The following CTNND2 variants were observed in gnomAD, a reference collection of about 807,000 sequenced individuals.
CTNND2 encodes catenin delta 2, also known as catenin delta-2.
In CTNND2, 22 loss-of-function variants were observed where a neutral mutation model predicts 144.4. The ratio of observed to expected loss-of-function variants is 0.15; its 90% CI spans 0.11 to 0.22. CTNND2 has a LOEUF of 0.22. Among genes scored for constraint, CTNND2 ranks in the 10% least tolerant of loss-of-function variants. The probability of loss-of-function intolerance (pLI) is 1.00; values close to 1 mark genes in which losing one functional copy is unlikely to be tolerated. For missense variants in CTNND2, 1,353 were observed against 1,618.8 expected (o/e 0.84, Z 2.82); for synonymous variants, 751 against 695.6 (o/e 1.08, Z -1.25).
chr5:11,070,461 G>T (rs575417603), intron 16 of CTNND2, among the ~76,000 whole-genome samples: 1 of 152,086 alleles, frequency 6.6e-6, no homozygotes, highest in Non-Finnish European at 1.5e-5. Flanking sequence ...TTAAACTGAA[G>T]ATCTAAGACC....
rs1417684746 is a variant in CTNND2, at chr5:11,238,881, A to G, written c.1629-2058T>C. ...TGGCTATGTGATCACAGTAGAAAAC[A>G]ATCATAGAATTAAAAATGTAAAGCC... On this transcript the variant is annotated intron_variant, in intron 9 of 21. Transcript: ENST00000304623. 1.1e-4 allele frequency among the ~76,000 whole-genome samples: 16 copies of G among 152,354 alleles called. No individual in the cohort carries two copies. The East Asian group carries it at 2.9e-3, about 28-fold the overall frequency.
intron 3 of CTNND2, among the ~76,000 whole-genome samples, chr5:11,512,134 A>T (rs1430200089): frequency 6.6e-6 from 1 of 152,132 alleles, no homozygotes; most frequent in African/African-American, 2.4e-5. Context: ...ACGCAGTCTC[A>T]TTGGGCCCCA....
At chr5:11,073,044 G>A (rs559859755) in intron 16 of CTNND2, among the ~76,000 whole-genome samples, 1 of 152,312 alleles carries the variant, frequency 6.6e-6, no homozygotes, top group Admixed American at 6.5e-5. Context: ...TTGAGATCCA[G>A]TATAATAAAT....
intron 16 of CTNND2, among the ~76,000 whole-genome samples, chr5:11,024,114 G>T (rs918084706): frequency 6.6e-6 from 1 of 152,176 alleles, no homozygotes; most frequent in Non-Finnish European, 1.5e-5. Flanking sequence ...TAATTCTCTG[G>T]TGTATGGTGC....
At chr5:11,043,339 T>C (rs1444913774) in intron 16 of CTNND2, among the ~76,000 whole-genome samples, 1 of 152,202 alleles carries the variant, frequency 6.6e-6, no homozygotes, top group Non-Finnish European at 1.5e-5. Flanking sequence ...ACATTTTTAA[T>C]GAAACTGTTA....
chr5:11,512,956 G>A (rs899134797), intron 3 of CTNND2, among the ~76,000 whole-genome samples: 1 of 152,130 alleles, frequency 6.6e-6, no homozygotes, highest in Non-Finnish European at 1.5e-5. Flanking sequence ...TTCCTTTGTT[G>A]ACTTTATTCC....
intron 5 of CTNND2, among the ~76,000 whole-genome samples, chr5:11,403,913 G>A (rs1337526386): frequency 6.6e-6 from 1 of 152,142 alleles, no homozygotes; most frequent in African/African-American, 2.4e-5. Context: ...TTTCTTTCAG[G>A]TCTCTGATTC....
chr5:11,125,781 A>G (rs1754614711), intron 12 of CTNND2, among the ~76,000 whole-genome samples: 1 of 152,244 alleles, frequency 6.6e-6, no homozygotes, highest in African/African-American at 2.4e-5. Flanking sequence ...ATGTAGAACT[A>G]AAAGTGATGT....
At position 11,606,879 on chromosome 5, in the gene CTNND2, C is replaced by T. The variant is rs1226285171; in HGVS notation, c.175-41823G>A. Reference sequence around the variant, plus strand: ...GGGTGGAATTGTATTCCCTCCAGAACATATGTTAGCATCCCAATCCCCAGA... The same window carrying T: ...GGGTGGAATTGTATTCCCTCCAGAATATATGTTAGCATCCCAATCCCCAGA... On this transcript the variant is annotated intron_variant, in intron 2 of 21. Coordinates refer to ENST00000304623, the MANE Select transcript of CTNND2 (RefSeq NM_001332.4). Among the ~76,000 whole-genome samples, 12 of 152,242 alleles carry T rather than the reference C, an allele frequency of 7.9e-5. No individual in the cohort carries two copies. In the East Asian group the frequency reaches 1.2e-3, roughly 15 times the overall value.
chr5:11,098,691 G>A lies in CTNND2; in HGVS notation c.2521C>T (p.Leu841=), dbSNP rs763967699. 1 of 1,614,168 alleles carries A rather than the reference G, an allele frequency of 6.2e-7. No individual in the cohort carries two copies. The highest frequency in any genetic ancestry group is 8.5e-7 in the Non-Finnish European group (1 of 1,179,992). The change falls in exon 15 of 22, where the codon CTG becomes TTG. Residue 841 remains leucine (L), a synonymous_variant. Transcript: ENST00000304623. Reference sequence around the variant, plus strand: ...GGTTTGACTATTGATGGGTGCCACAGCATCTGGATCCCTTTTGGTGGTTCA... The same window carrying A: ...GGTTTGACTATTGATGGGTGCCACAACATCTGGATCCCTTTTGGTGGTTCA... ...CAEPPKGIQM[L]WHPSIVKPYL...
rs1738167533 is a variant in CTNND2, at chr5:11,904,384, C to T, written c.-531G>A. Among the ~76,000 whole-genome samples the T allele has an allele frequency of 6.6e-6, 1 of 151,278 alleles. No individual in the cohort carries two copies. On this transcript the variant is annotated 5_prime_UTR_variant, in exon 1 of 22. Transcript: ENST00000304623. The surrounding 1 kb of genome is among the most constrained non-coding windows in gnomAD (Gnocchi z 4.2). ...TCAGCCTCCACCTAAACCTCGGCGG[C>T]CGGCCCGGGCGCCCGGCTAGTGAGG...
chr5:11,529,902 T>C (rs1290749249), intron 3 of CTNND2, among the ~76,000 whole-genome samples: 1 of 152,054 alleles, frequency 6.6e-6, no homozygotes, highest in Non-Finnish European at 1.5e-5. Context: ...TTTGTACTGA[T>C]AACCCCATAA....
chr5:11,381,823 C>T (rs886289881), intron 7 of CTNND2, among the ~76,000 whole-genome samples: 1 of 152,196 alleles, frequency 6.6e-6, no homozygotes. Flanking sequence ...AAAAATTAGC[C>T]AGGCGTGGTG....
intron 2 of CTNND2, among the ~76,000 whole-genome samples, chr5:11,697,319 T>G (rs1019237433): frequency 6.6e-6 from 1 of 152,158 alleles, no homozygotes; most frequent in Non-Finnish European, 1.5e-5. Flanking sequence ...TGGATCTCAA[T>G]TCACAGTTCT....
At chr5:11,602,363 T>C (rs1779836999) in intron 2 of CTNND2, among the ~76,000 whole-genome samples, 1 of 151,902 alleles carries the variant, frequency 6.6e-6, no homozygotes, top group Non-Finnish European at 1.5e-5. Context: ...CAAATGAATA[T>C]TTCTTTTCAG....
In CTNND2 at chr5:11,904,254, G is replaced by C. The variant is rs902519311; in HGVS notation, c.-401C>G. Among the ~76,000 whole-genome samples the C allele has an allele frequency of 4.8e-5, 7 of 145,278 alleles. No homozygotes were observed. The highest frequency in any genetic ancestry group is 1.7e-4 in the African/African-American group (7 of 40,646). ...CGAGCCTGGGGCCGCCGCGGCGCCC[G>C]GCGCCGAGCGCTCCCGAGCTGCGCC... On this transcript the variant is annotated 5_prime_UTR_variant, in exon 1 of 22. Coordinates refer to ENST00000304623, the MANE Select transcript of CTNND2 (RefSeq NM_001332.4). The surrounding 1 kb of genome is among the most constrained non-coding windows in gnomAD (Gnocchi z 4.2).
At chr5:11,787,711 T>C (rs1467177531) in intron 1 of CTNND2, among the ~76,000 whole-genome samples, 1 of 12,538 alleles carries the variant, frequency 8.0e-5, no homozygotes, top group African/African-American at 1.5e-4. Context: ...TGTATGTCCA[T>C]GTCTGTGCAC....
intron 21 of CTNND2, among the ~76,000 whole-genome samples, chr5:10,980,647 C>G (rs1737108515): frequency 2.6e-5 from 4 of 152,116 alleles, no homozygotes; most frequent in Non-Finnish European, 5.9e-5. Flanking sequence ...TGGAACCAAC[C>G]CAAATGTCCA....
intron 1 of CTNND2, among the ~76,000 whole-genome samples, chr5:11,734,335 A>C (rs564021319): frequency 1.4e-3 from 208 of 152,316 alleles, no homozygotes; most frequent in African/African-American, 4.7e-3. Context: ...CTTGAATTGT[A>C]GCTCCCAAAA....
Sources: gnomAD v4.1 joint callset for allele counts (sites outside exome capture counted in the v4.1 genomes callset) on GRCh38, gnomAD v4.1.1 for gene constraint, Gnocchi (gnomAD v3.1) non-coding constraint, MANE v1.5 for transcripts, NCBI Gene and HGNC (gene_info 2026-07-23, HGNC 2026-07-21) for gene names.